The following LYPLAL1 variants were observed in gnomAD, a reference collection of about 807,000 sequenced individuals.
LYPLAL1 encodes the protein lysophospholipase like 1.
In LYPLAL1, 23 loss-of-function variants were observed where a neutral mutation model predicts 19.7. The ratio of observed to expected loss-of-function variants is 1.17; its 90% CI spans 0.84 to 1.65. The LOEUF (loss-of-function observed/expected upper bound fraction) is 1.65, where lower values mean the gene tolerates loss of function less well. Among genes scored for constraint, LYPLAL1 ranks in the 40% most tolerant of loss-of-function variants. The probability of loss-of-function intolerance (pLI) is 0.00; values close to 1 mark genes in which losing one functional copy is unlikely to be tolerated. For missense variants in LYPLAL1, 355 were observed against 279.4 expected (o/e 1.27, Z -1.93); for synonymous variants, 119 against 96.3 (o/e 1.24, Z -1.38).
chr1:219,366,626 C>T, the LYPLAL1 span, among the ~76,000 whole-genome samples: 2 of 152,222 alleles, frequency 1.3e-5, no homozygotes, highest in South Asian at 4.1e-4. Flanking sequence ...AAAGCTTTAG[C>T]TGTGAAAACG....
the LYPLAL1 span, among the ~76,000 whole-genome samples, chr1:219,224,667 G>A: frequency 2.6e-5 from 4 of 152,116 alleles, no homozygotes; most frequent in Non-Finnish European, 4.4e-5. Context: ...ACATTCAAAT[G>A]TTGTAGATTC....
chr1:219,292,126 GTC>G, the LYPLAL1 span, among the ~76,000 whole-genome samples: 1 of 152,094 alleles, frequency 6.6e-6, no homozygotes, highest in Non-Finnish European at 1.5e-5. Flanking sequence ...GCAATGTCTT[GTC>G]TCTCCCGACA....
the LYPLAL1 span, among the ~76,000 whole-genome samples, chr1:219,250,559 A>T: frequency 6.6e-6 from 1 of 151,586 alleles, no homozygotes; most frequent in East Asian, 1.9e-4. Flanking sequence ...TTCATCAGAC[A>T]TTATTTTCTT....
At chr1:219,235,364 C>T in the LYPLAL1 span, among the ~76,000 whole-genome samples, 1 of 152,124 alleles carries the variant, frequency 6.6e-6, no homozygotes, top group Non-Finnish European at 1.5e-5. Context: ...ACAAGGGATC[C>T]TTGATTACTA....
chr1:219,332,352 A>T, the LYPLAL1 span, among the ~76,000 whole-genome samples: 1 of 152,154 alleles, frequency 6.6e-6, no homozygotes, highest in Non-Finnish European at 1.5e-5. Flanking sequence ...ATCCCAGGTG[A>T]GTTGCCAGAT....
the LYPLAL1 span, among the ~76,000 whole-genome samples, chr1:219,238,304 ATTTTTTT>A: frequency 2.4e-5 from 2 of 81,880 alleles, no homozygotes; most frequent in Non-Finnish European, 4.3e-5. Flanking sequence ...CGCCCGGCTA[ATTTTTTT>A]TTTTTTTTTT....
chr1:219,316,776 A>G, the LYPLAL1 span, among the ~76,000 whole-genome samples: 21 of 152,342 alleles, frequency 1.4e-4, no homozygotes, highest in African/African-American at 5.0e-4. Flanking sequence ...ACTACATTAA[A>G]TGAAATAAGC....
At chr1:219,323,935 T>C in the LYPLAL1 span, among the ~76,000 whole-genome samples, 4 of 152,180 alleles carry the variant, frequency 2.6e-5, no homozygotes, top group Admixed American at 2.0e-4. Flanking sequence ...TCTCCTTACC[T>C]TTCTGAACAT....
chr1:219,241,181 C>T, the LYPLAL1 span, among the ~76,000 whole-genome samples: 1 of 103,518 alleles, frequency 9.7e-6, no homozygotes, highest in Non-Finnish European at 1.9e-5. Context: ...ATGATATTTC[C>T]ACTGTTGACA....
chr1:219,307,954 A>C, the LYPLAL1 span, among the ~76,000 whole-genome samples: 1 of 152,196 alleles, frequency 6.6e-6, no homozygotes, highest in Non-Finnish European at 1.5e-5. Flanking sequence ...TGTCTTTATC[A>C]GCAGCATGAA....
chr1:219,242,577 T>A, the LYPLAL1 span, among the ~76,000 whole-genome samples: 1 of 152,180 alleles, frequency 6.6e-6, no homozygotes, highest in East Asian at 1.9e-4. Context: ...TTTTTCTAAA[T>A]GGAAACTTTA....
At chr1:219,357,818 TTTGG>T in the LYPLAL1 span, among the ~76,000 whole-genome samples, 1 of 152,156 alleles carries the variant, frequency 6.6e-6, no homozygotes, top group Non-Finnish European at 1.5e-5. Context: ...ATAAGCAAAT[TTTGG>T]TACATGCATA....
At chr1:219,317,211 A>G in the LYPLAL1 span, among the ~76,000 whole-genome samples, 263 of 152,284 alleles carry the variant, frequency 1.7e-3, 2 homozygotes, top group African/African-American at 6.2e-3. Context: ...TAAATCCTTC[A>G]TGCATTCTCC....
the LYPLAL1 span, among the ~76,000 whole-genome samples, chr1:219,247,252 T>G: frequency 1.3e-5 from 2 of 152,348 alleles, no homozygotes; most frequent in East Asian, 3.9e-4. Context: ...TACTCCAGAC[T>G]TACACTCTAA....
the LYPLAL1 span, among the ~76,000 whole-genome samples, chr1:219,274,489 G>A: frequency 7.2e-5 from 11 of 152,196 alleles, no homozygotes; most frequent in South Asian, 2.1e-4. Context: ...ATATTCAAGC[G>A]ATTCTCCTGC....
At chr1:219,428,222 A>G in the LYPLAL1 span, among the ~76,000 whole-genome samples, 1 of 152,220 alleles carries the variant, frequency 6.6e-6, no homozygotes, top group Non-Finnish European at 1.5e-5. Flanking sequence ...ATCTACTTAC[A>G]GTTATCTCAT....
At chr1:219,357,670 G>A in the LYPLAL1 span, among the ~76,000 whole-genome samples, 15 of 152,122 alleles carry the variant, frequency 9.9e-5, no homozygotes, top group South Asian at 6.2e-4. Context: ...TGGTCTTGCC[G>A]TATAATCTAG....
the LYPLAL1 span, among the ~76,000 whole-genome samples, chr1:219,340,503 A>G: frequency 2.6e-5 from 4 of 152,066 alleles, no homozygotes; most frequent in Non-Finnish European, 5.9e-5. Flanking sequence ...AGGGGAAGTT[A>G]CATTACATTA....
the LYPLAL1 span, among the ~76,000 whole-genome samples, chr1:219,254,760 ATCT>A: frequency 6.6e-6 from 1 of 151,900 alleles, no homozygotes; most frequent in African/African-American, 2.4e-5. Context: ...TTTGGGGATG[ATCT>A]TCTTGTGTAG....
Sources: allele counts gnomAD v4.1 joint callset (sites outside exome capture counted in the v4.1 genomes callset), GRCh38; gene constraint gnomAD v4.1.1; transcripts MANE v1.5; gene names NCBI Gene and HGNC (gene_info 2026-07-23, HGNC 2026-07-21).